The following AUTS2 variants were observed in gnomAD, a reference collection of about 807,000 sequenced individuals.
AUTS2 encodes the protein activator of transcription and developmental regulator AUTS2.
A neutral mutation model predicts 112.4 loss-of-function variants in AUTS2; 17 were observed. The ratio of observed to expected loss-of-function variants is 0.15; its 90% CI spans 0.10 to 0.23. The LOEUF (loss-of-function observed/expected upper bound fraction) is 0.23, where lower values mean the gene tolerates loss of function less well. Ranked by LOEUF, AUTS2 falls within the 10% of genes least tolerant of loss-of-function variation. The pLI, the probability that AUTS2 is intolerant of heterozygous loss-of-function variation, is 1.00. For missense variants in AUTS2, 1,510 were observed against 1,701.6 expected (o/e 0.89, Z 1.98); for synonymous variants, 751 against 702.7 (o/e 1.07, Z -1.09).
intron 2 of AUTS2, among the ~76,000 whole-genome samples, chr7:70,029,067 C>CT (rs1162880349): frequency 6.6e-6 from 1 of 152,146 alleles, no homozygotes; most frequent in Non-Finnish European, 1.5e-5. Context: ...TGGGGCTAGA[C>CT]TGACGGGCTG....
chr7:70,246,504 C>T (rs1812931722), intron 4 of AUTS2, among the ~76,000 whole-genome samples: 1 of 152,076 alleles, frequency 6.6e-6, no homozygotes, highest in Admixed American at 6.6e-5. Context: ...TAAATTATGC[C>T]TCCAAATTTG....
At chr7:70,742,623 G>A (rs573534886) in intron 6 of AUTS2, among the ~76,000 whole-genome samples, 2 of 152,084 alleles carry the variant, frequency 1.3e-5, no homozygotes, top group Admixed American at 6.5e-5. Flanking sequence ...TTAGCCTGGC[G>A]TGGTGGCGCG....
At chr7:70,533,918 A>G (rs1800200652) in intron 5 of AUTS2, among the ~76,000 whole-genome samples, 1 of 152,134 alleles carries the variant, frequency 6.6e-6, no homozygotes, top group Admixed American at 6.5e-5. Flanking sequence ...TGCTGGAAGT[A>G]CAGTCAGGGA....
At chr7:70,052,484 C>T (rs556805358) in intron 2 of AUTS2, among the ~76,000 whole-genome samples, 6 of 152,272 alleles carry the variant, frequency 3.9e-5, no homozygotes, top group Non-Finnish European at 2.9e-5. Flanking sequence ...TATATATTCA[C>T]GGTTCCTGGA....
At chr7:69,632,956 T>C (rs1794336844) in intron 1 of AUTS2, among the ~76,000 whole-genome samples, 4 of 152,168 alleles carry the variant, frequency 2.6e-5, no homozygotes. Context: ...AATTAACATA[T>C]TCATCACCTT....
Position 69,864,332 on chromosome 7 carries a change from G to C in AUTS2, c.310-34954G>C, listed in dbSNP as rs1269027176. Among the ~76,000 whole-genome samples the C allele has an allele frequency of 2.0e-5, 3 of 152,214 alleles. No individual in the cohort carries two copies. In the South Asian group the frequency reaches 6.2e-4, roughly 32 times the overall value. On this transcript the variant is annotated intron_variant, in intron 1 of 18. Coordinates refer to ENST00000342771, the MANE Select transcript of AUTS2 (RefSeq NM_015570.4). ...AATTCCTAGTCAATTTTTTGTTGCT[G>C]TTTTCCTCCATGCTAGAGAAGAGAT...
At chr7:70,416,205 A>G (rs573107576) in intron 4 of AUTS2, among the ~76,000 whole-genome samples, 1 of 152,328 alleles carries the variant, frequency 6.6e-6, no homozygotes, top group South Asian at 2.1e-4. Context: ...GCAATTTGTC[A>G]TTTTCCAGCC....
intron 5 of AUTS2, among the ~76,000 whole-genome samples, chr7:70,618,482 A>G (rs973077094): frequency 1.1e-4 from 17 of 152,280 alleles, no homozygotes; most frequent in African/African-American, 3.8e-4. Context: ...AAGAGGAAAA[A>G]CTAATTCTAG....
chr7:70,568,000 ATGGTACCT>A (rs1453153004), intron 5 of AUTS2, among the ~76,000 whole-genome samples: 1 of 152,234 alleles, frequency 6.6e-6, no homozygotes, highest in Non-Finnish European at 1.5e-5. Context: ...TCAGCTTAAC[ATGGTACCT>A]GGAGATAGAG....
chr7:70,779,794 C>G (rs1053285077), intron 14 of AUTS2, among the ~76,000 whole-genome samples: 2 of 152,060 alleles, frequency 1.3e-5, no homozygotes, highest in Non-Finnish European at 2.9e-5. Flanking sequence ...CTTTGGGAAG[C>G]CAAGGCAAGC....
At chr7:70,689,485 T>C (rs1317254483) in intron 5 of AUTS2, among the ~76,000 whole-genome samples, 4 of 151,702 alleles carry the variant, frequency 2.6e-5, no homozygotes. Context: ...TCTATAAAGA[T>C]GTCGTTCCCA....
intron 1 of AUTS2, among the ~76,000 whole-genome samples, chr7:69,823,933 C>G (rs770276540): frequency 5.9e-5 from 9 of 152,136 alleles, no homozygotes. Context: ...GACAGCCGGA[C>G]TTGAAACTCT....
intron 4 of AUTS2, among the ~76,000 whole-genome samples, chr7:70,137,651 C>G (rs1398807600): frequency 3.3e-5 from 5 of 152,120 alleles, no homozygotes; most frequent in Non-Finnish European, 7.4e-5. Context: ...TTTTATGTCT[C>G]TGAGTCTATT....
chr7:70,579,472 G>T (rs762536379), intron 5 of AUTS2, among the ~76,000 whole-genome samples: 1 of 151,930 alleles, frequency 6.6e-6, no homozygotes, highest in Non-Finnish European at 1.5e-5. Flanking sequence ...AAAAAAAATG[G>T]TGCTGCCCTG....
intron 2 of AUTS2, among the ~76,000 whole-genome samples, chr7:69,974,924 A>G (rs73432144): frequency 0.01 from 1,580 of 152,182 alleles, 39 homozygotes; most frequent in African/African-American, 0.036. Context: ...AAGTTACTGT[A>G]TCATTGCTCT....
At chr7:69,899,603 G>C in intron 2 of AUTS2, 105 bp downstream of exon 2, 1 of 1,054,748 alleles carries the variant, frequency 9.5e-7, no homozygotes, top group Non-Finnish European at 1.4e-6. Context: ...ATCCTTGGTG[G>C]GATGCTGAAG....
chr7:69,829,567 G>A (rs1163026225), intron 1 of AUTS2, among the ~76,000 whole-genome samples: 2 of 152,108 alleles, frequency 1.3e-5, no homozygotes, highest in Non-Finnish European at 2.9e-5. Flanking sequence ...ACCAAAAAGT[G>A]GGCAGAGGGT....
At chr7:70,278,489 G>A (rs942174053) in intron 4 of AUTS2, among the ~76,000 whole-genome samples, 2 of 152,088 alleles carry the variant, frequency 1.3e-5, no homozygotes, top group African/African-American at 2.4e-5. Context: ...AGGCTGAGGT[G>A]GGAGGCTTGA....
chr7:70,539,939 C>T (rs1392187770), intron 5 of AUTS2, among the ~76,000 whole-genome samples: 1 of 152,200 alleles, frequency 6.6e-6, no homozygotes, highest in Admixed American at 6.5e-5. Flanking sequence ...ATATTCTCAG[C>T]CACTGAGGAA....
Sources: allele counts gnomAD v4.1 joint callset (sites outside exome capture counted in the v4.1 genomes callset), GRCh38; gene constraint gnomAD v4.1.1; transcripts MANE v1.5; gene names NCBI Gene and HGNC (gene_info 2026-07-23, HGNC 2026-07-21).